STK4: variants seen among roughly 807,000 people sequenced by gnomAD.
STK4 encodes serine/threonine-protein kinase 4.
Under a neutral mutation model 64.9 loss-of-function variants are expected in STK4, and 30 were observed. The observed-to-expected ratio is 0.46, with a 90% CI of 0.35 to 0.63. STK4 has a LOEUF of 0.63. Among genes scored for constraint, STK4 ranks in the 20% least tolerant of loss-of-function variants. The probability of loss-of-function intolerance (pLI) is 0.01; values close to 1 mark genes in which losing one functional copy is unlikely to be tolerated. For synonymous variants in STK4, 177 were observed against 199.0 expected, an observed-to-expected ratio of 0.89 and a Z score of 0.93; for missense variants, 466 against 598.5, an observed-to-expected ratio of 0.78 and a Z score of 2.31.
intron 10 of STK4, among the ~76,000 whole-genome samples, chr20:45,035,572 C>A (rs1364643590): frequency 6.6e-6 from 1 of 151,984 alleles, no homozygotes; most frequent in African/African-American, 2.4e-5. Flanking sequence ...AGTAACTGGC[C>A]CTCACATATT....
intron 2 of STK4, among the ~76,000 whole-genome samples, chr20:44,977,109 A>G (rs745851635): frequency 2.3e-4 from 35 of 152,242 alleles, no homozygotes; most frequent in Non-Finnish European, 4.1e-4. Context: ...GAAGCACATC[A>G]CCACTGTAAC....
intron 9 of STK4, among the ~76,000 whole-genome samples, chr20:45,003,054 G>A (rs570259158): frequency 1.3e-5 from 2 of 152,016 alleles, no homozygotes; most frequent in Non-Finnish European, 2.9e-5. Context: ...TCTTGCCCAG[G>A]TTAGCGTACA....
intron 10 of STK4, among the ~76,000 whole-genome samples, chr20:45,050,128 G>A (rs1266385319): frequency 6.6e-6 from 1 of 152,194 alleles, no homozygotes; most frequent in African/African-American, 2.4e-5. Flanking sequence ...AGAGAGAACA[G>A]TCAGCAGTGC....
chr20:45,052,079 G>T (rs2068785052), intron 10 of STK4, among the ~76,000 whole-genome samples: 1 of 152,196 alleles, frequency 6.6e-6, no homozygotes. Context: ...AGCACCTTTA[G>T]GACAATGGTC....
At position 44,967,006 on chromosome 20, in the gene STK4, G is replaced by A. The variant is rs371838554; in HGVS notation, c.35+403G>A. 5.9e-5 allele frequency among the ~76,000 whole-genome samples: 9 copies of A among 152,264 alleles called. 1 individual carries two copies. Among genetic ancestry groups the A allele is most frequent in the East Asian group, 3.9e-4 (2 of 5,162 alleles). On this transcript the variant is annotated intron_variant, in intron 1 of 10. Coordinates refer to ENST00000372806, the MANE Select transcript of STK4 (RefSeq NM_006282.5). ...GGATCGAGAACTGGCCAAGAGGAAG[G>A]CCGGGTGGACTTTCTAAGGGTCTGA...
intron 5 of STK4, 80 bp from the exon 6 acceptor site, chr20:44,995,010 T>TTC: frequency 8.4e-7 from 1 of 1,197,392 alleles, no homozygotes; most frequent in Non-Finnish European, 1.1e-6. Context: ...TTTTTTCTTC[T>TTC]TTTTTTCTCT....
At chr20:44,979,501 C>A (rs115714539) in intron 3 of STK4, among the ~76,000 whole-genome samples, 18 of 152,156 alleles carry the variant, frequency 1.2e-4, no homozygotes, top group Non-Finnish European at 2.1e-4. Context: ...ACTGATAGAG[C>A]AGGCTTCCCC....
intron 9 of STK4, among the ~76,000 whole-genome samples, chr20:45,014,110 G>C (rs2068099564): frequency 6.6e-6 from 1 of 151,920 alleles, no homozygotes; most frequent in South Asian, 2.1e-4. Flanking sequence ...TTATGAAATA[G>C]GGTGTTAATA....
At chr20:45,019,236 C>T (rs1206487337) in intron 9 of STK4, among the ~76,000 whole-genome samples, 2 of 152,152 alleles carry the variant, frequency 1.3e-5, no homozygotes, top group Non-Finnish European at 2.9e-5. Flanking sequence ...AACCATTAAT[C>T]TACTTTCTGT....
chr20:45,026,128 GTT>G (rs33913833), intron 10 of STK4, among the ~76,000 whole-genome samples: 37 of 128,932 alleles, frequency 2.9e-4, no homozygotes, highest in Middle Eastern at 4.0e-3. Flanking sequence ...TTATCCAGTG[GTT>G]TTTTTTTTTT....
chr20:45,031,772 A>G (rs1433127456), intron 10 of STK4, among the ~76,000 whole-genome samples: 1 of 151,982 alleles, frequency 6.6e-6, no homozygotes. Flanking sequence ...GCGTGGTGGC[A>G]GATGCACCTG....
intron 10 of STK4, among the ~76,000 whole-genome samples, chr20:45,063,248 T>C (rs1400314143): frequency 1.3e-5 from 2 of 151,668 alleles, no homozygotes; most frequent in Non-Finnish European, 2.9e-5. Flanking sequence ...GCTCAAGTGA[T>C]CCGCCCACCT....
intron 10 of STK4, among the ~76,000 whole-genome samples, chr20:45,064,790 T>A (rs1313979951): frequency 2.6e-5 from 4 of 152,242 alleles, no homozygotes; most frequent in Non-Finnish European, 5.9e-5. Context: ...TATATTTTTG[T>A]ACATTGATTT....
chr20:44,988,909 T>G (rs2067585272), intron 5 of STK4, among the ~76,000 whole-genome samples: 2 of 152,150 alleles, frequency 1.3e-5, no homozygotes, highest in African/African-American at 4.8e-5. Context: ...GTTTCTGGCT[T>G]CTTTTGTTTA....
At position 44,966,546 on chromosome 20, in the gene STK4, T is replaced by G. The variant is rs1306277337; in HGVS notation, c.-23T>G. The stretch of plus-strand genomic sequence containing the variant: ...GCGGGAGGATGGAGCAGTGAGCGGG[T>G]CTGGGCGGCTGCTGGCAGCGCCATG... On this transcript the variant is annotated 5_prime_UTR_variant, in exon 1 of 11. Coordinates refer to ENST00000372806, the MANE Select transcript of STK4 (RefSeq NM_006282.5). 3.2e-6 allele frequency: 4 copies of G among 1,264,974 alleles called. No homozygotes were observed. Among genetic ancestry groups the G allele is most frequent in the Non-Finnish European group, 4.0e-6 (4 of 995,890 alleles). The allele number at this position is 1,264,974 out of a possible 1,614,324, so 78.4% of individuals were successfully genotyped here.
chr20:45,043,746 C>G (rs778417916), intron 10 of STK4, among the ~76,000 whole-genome samples: 4 of 152,168 alleles, frequency 2.6e-5, no homozygotes, highest in Admixed American at 6.5e-5. Flanking sequence ...GCAAATATTT[C>G]AAAATCCTCC....
rs141453400 is a variant in STK4 at position 44,976,367 on chromosome 20, C to A, written c.117-2076C>A. Among the ~76,000 whole-genome samples the A allele has an allele frequency of 3.7e-3, 566 of 152,260 alleles. 1 individual carries two copies. The highest frequency in any genetic ancestry group is 0.013 in the African/African-American group (541 of 41,546). The stretch of plus-strand genomic sequence containing the variant: ...GTAGAGGAAATAATCACATAATAAT[C>A]CTGAGAGTTTTTCATTCTTGAGGAA... On this transcript the variant is annotated intron_variant, in intron 2 of 10. Transcript: ENST00000372806.
At chr20:45,001,432 C>T (rs2067839898) in intron 9 of STK4, 79 bp downstream of exon 9, 1 of 1,464,092 alleles carries the variant, frequency 6.8e-7, no homozygotes, top group South Asian at 1.5e-5. Context: ...ATGGTTCATG[C>T]AGGCTTAGCC....
intron 5 of STK4, among the ~76,000 whole-genome samples, chr20:44,994,847 T>C (rs2067697557): frequency 1.3e-5 from 2 of 152,308 alleles, no homozygotes; most frequent in Non-Finnish European, 2.9e-5. Context: ...GTTTTTGTTT[T>C]AATAATTGAT....
Sources: allele counts gnomAD v4.1 joint callset (sites outside exome capture counted in the v4.1 genomes callset), GRCh38; gene constraint gnomAD v4.1.1; transcripts MANE v1.5; gene names NCBI Gene and HGNC (gene_info 2026-07-23, HGNC 2026-07-21).